Variants in NRXN3 observed in about 807,000 individuals in gnomAD.
NRXN3 encodes neurexin 3.
A neutral mutation model predicts 137.6 loss-of-function variants in NRXN3; 32 were observed. That is an observed-to-expected ratio of 0.23 (90% CI 0.18 to 0.31). NRXN3 has a LOEUF of 0.31. NRXN3 is among the 10% of genes least tolerant of loss of function. The probability of loss-of-function intolerance (pLI) is 1.00; values close to 1 mark genes in which losing one functional copy is unlikely to be tolerated. For missense variants in NRXN3, 1,574 were observed against 2,062.5 expected (o/e 0.76, Z 4.59); for synonymous variants, 798 against 784.5 (o/e 1.02, Z -0.29).
intron 20 of NRXN3, among the ~76,000 whole-genome samples, chr14:79,824,180 C>T (rs2099282870): frequency 6.6e-6 from 1 of 152,188 alleles, no homozygotes; most frequent in African/African-American, 2.4e-5. Flanking sequence ...TAAAACTTTA[C>T]ATTCATGTCT....
At chr14:79,654,823 C>A (rs937147712) in intron 16 of NRXN3, among the ~76,000 whole-genome samples, 5 of 152,086 alleles carry the variant, frequency 3.3e-5, no homozygotes, top group African/African-American at 1.2e-4. Context: ...AAAAAGAGTT[C>A]TTGGTTGGTG....
chr14:79,093,694 A>C (rs1391953898), intron 15 of NRXN3, among the ~76,000 whole-genome samples: 1 of 152,160 alleles, frequency 6.6e-6, no homozygotes, highest in Non-Finnish European at 1.5e-5. Context: ...AACTGAAAGC[A>C]CTTGGTGCAG....
intron 4 of NRXN3, among the ~76,000 whole-genome samples, chr14:78,412,466 T>C (rs534377642): frequency 6.6e-6 from 1 of 152,346 alleles, no homozygotes; most frequent in East Asian, 1.9e-4. Flanking sequence ...ACGCACATTG[T>C]TTTATCCAAG....
At chr14:79,444,396 T>C (rs958401430) in intron 15 of NRXN3, among the ~76,000 whole-genome samples, 2 of 152,264 alleles carry the variant, frequency 1.3e-5, no homozygotes, top group Admixed American at 6.5e-5. Context: ...ATAATAGTTA[T>C]ACGACTGCTT....
At chr14:78,924,530 T>C (rs1366845872) in intron 10 of NRXN3, among the ~76,000 whole-genome samples, 2 of 152,194 alleles carry the variant, frequency 1.3e-5, no homozygotes, top group African/African-American at 4.8e-5. Flanking sequence ...GTTTTCTTCA[T>C]GGCCTATTGT....
intron 15 of NRXN3, among the ~76,000 whole-genome samples, chr14:79,087,476 C>A (rs967182168): frequency 2.0e-5 from 3 of 152,142 alleles, no homozygotes; most frequent in Non-Finnish European, 4.4e-5. Flanking sequence ...TAACAACTGG[C>A]AAGCCTTATG....
intron 15 of NRXN3, chr14:79,199,985 A>T (rs2065734577): frequency 6.6e-6 from 1 of 152,264 alleles, no homozygotes; most frequent in African/African-American, 2.4e-5. Context: ...GCTATATAAT[A>T]GAACAAGAAT....
At chr14:78,180,480 G>T (rs2059713521) in intron 1 of NRXN3, among the ~76,000 whole-genome samples, 1 of 152,242 alleles carries the variant, frequency 6.6e-6, no homozygotes. Context: ...CAGTGAATAA[G>T]TGTTAGGCAA....
intron 19 of NRXN3, among the ~76,000 whole-genome samples, chr14:79,784,587 C>T (rs2099123489): frequency 7.5e-6 from 1 of 133,556 alleles, no homozygotes; most frequent in Admixed American, 7.6e-5. Context: ...TCTTTTGTTG[C>T]ATTTGTAGGT....
At chr14:79,144,331 G>A (rs909770122) in intron 15 of NRXN3, among the ~76,000 whole-genome samples, 5 of 152,148 alleles carry the variant, frequency 3.3e-5, no homozygotes, top group Admixed American at 3.3e-4. Context: ...GGTTTTTAGT[G>A]CAACTCTGCT....
intron 15 of NRXN3, among the ~76,000 whole-genome samples, chr14:79,257,580 A>ATGGCGGTGGTGG (rs1568820764): frequency 3.1e-5 from 1 of 32,654 alleles, no homozygotes; most frequent in African/African-American, 1.2e-4. Context: ...GGTGGTGGTG[A>ATGGCGGTGGTGG]TGGTAATGAT....
intron 19 of NRXN3, among the ~76,000 whole-genome samples, chr14:79,706,418 A>ATTT (rs1555647631): frequency 8.8e-6 from 1 of 113,654 alleles, no homozygotes; most frequent in Non-Finnish European, 1.9e-5. Flanking sequence ...AGGCTTTTTT[A>ATTT]CTTTTTTTTT....
chr14:78,405,321 G>A (rs2092403922), intron 4 of NRXN3, among the ~76,000 whole-genome samples: 1 of 152,124 alleles, frequency 6.6e-6, no homozygotes, highest in South Asian at 2.1e-4. Flanking sequence ...TGATAAAGCA[G>A]ATAATTGGGT....
Position 79,535,038 on chromosome 14 carries a change from T to C in NRXN3, c.3444+67636T>C, listed in dbSNP as rs574739087. ...AGATACCTGTGGAAACTGTCAAAAG[T>C]GTCTTCTAGAGCTATTTTTGAGGTC... On this transcript the variant is annotated intron_variant, in intron 16 of 20. Coordinates refer to ENST00000335750, the MANE Select transcript of NRXN3 (RefSeq NM_001330195.2). 2.6e-5 allele frequency among the ~76,000 whole-genome samples: 4 copies of C among 152,278 alleles called. No homozygotes were observed. In the East Asian group the frequency reaches 7.7e-4, roughly 29 times the overall value.
rs796485268 is a variant in NRXN3, at chr14:79,409,617, CTATATA to C, written c.3263-57582_3263-57577del. 3.3e-3 allele frequency among the ~76,000 whole-genome samples: 370 copies of C among 112,110 alleles called. 2 individuals carry two copies. Among genetic ancestry groups the C allele is most frequent in the African/African-American group, 8.1e-3 (255 of 31,422 alleles). The allele number at this position is 112,110 out of a possible 152,430, so 73.5% of individuals were successfully genotyped here. A position where few individuals can be genotyped will look rare whatever the true frequency, so the allele number is the denominator to read the frequency against. ...AGCAAGTGTGTGTGTGTGTGTGTGT[CTATATA>C]TATATATATATATATATATATCCTC... On this transcript the variant is annotated intron_variant, in intron 15 of 20. Transcript: ENST00000335750.
chr14:79,227,353 T>G (rs1294957549), intron 15 of NRXN3, among the ~76,000 whole-genome samples: 1 of 151,908 alleles, frequency 6.6e-6, no homozygotes, highest in African/African-American at 2.4e-5. Flanking sequence ...TGGATTGTTT[T>G]CTTACTTTGT....
At chr14:79,801,865 A>AT (rs758344218) in intron 19 of NRXN3, among the ~76,000 whole-genome samples, 58 of 152,038 alleles carry the variant, frequency 3.8e-4, no homozygotes, top group Non-Finnish European at 6.8e-4. Context: ...TGGGGTCTGC[A>AT]ATGGGGATTA....
Position 78,548,154 on chromosome 14 carries a change from G to A in NRXN3, c.758-96966G>A, listed in dbSNP as rs2096653682. ...AATAGTTGGTGTAAATATCAGAAGA[G>A]GTAAAACTATCTCTTTTTGCTGATA... is the stretch of plus-strand genomic sequence containing the variant. On this transcript the variant is annotated intron_variant, in intron 4 of 20. Coordinates refer to ENST00000335750, the MANE Select transcript of NRXN3 (RefSeq NM_001330195.2). 2.6e-5 allele frequency among the ~76,000 whole-genome samples: 4 copies of A among 152,202 alleles called. No individual in the cohort carries two copies. In the South Asian group the frequency reaches 8.3e-4, roughly 32 times the overall value.
chr14:79,156,968 T>G (rs989393895), intron 15 of NRXN3, among the ~76,000 whole-genome samples: 2 of 151,734 alleles, frequency 1.3e-5, no homozygotes, highest in Non-Finnish European at 2.9e-5. Context: ...ATCCCCCAAG[T>G]TGTGACAATA....
Sources: allele counts gnomAD v4.1 joint callset (sites outside exome capture counted in the v4.1 genomes callset), GRCh38; gene constraint gnomAD v4.1.1; transcripts MANE v1.5; gene names NCBI Gene and HGNC (gene_info 2026-07-23, HGNC 2026-07-21).